The following CRB1 variants were observed in gnomAD, a reference collection of about 807,000 sequenced individuals.
CRB1 encodes crumbs cell polarity complex component 1, also known as protein crumbs homolog 1.
A neutral mutation model predicts 120.0 loss-of-function variants in CRB1; 83 were observed. That is an observed-to-expected ratio of 0.69 (90% CI 0.58 to 0.83). The LOEUF is 0.83. Among genes scored for constraint, CRB1 ranks in the 40% least tolerant of loss-of-function variants. The pLI is 0.00. For missense variants in CRB1, 1,699 were observed against 1,687.6 expected (o/e 1.01, Z -0.12); for synonymous variants, 625 against 612.5 (o/e 1.02, Z -0.30).
At chr1:197,229,740 G>A in the CRB1 span, among the ~76,000 whole-genome samples, 2 of 152,122 alleles carry the variant, frequency 1.3e-5, no homozygotes, top group Non-Finnish European at 2.9e-5. Context: ...AATTAGATTA[G>A]GATAATGGTC....
chr1:197,236,312 G>A, the CRB1 span, among the ~76,000 whole-genome samples: 10 of 147,230 alleles, frequency 6.8e-5, no homozygotes, highest in Non-Finnish European at 1.5e-4. Flanking sequence ...CGATTCTCCC[G>A]CCTCAGCCTC....
chr1:197,351,145 C>T (rs1418966864), intron 4 of CRB1, among the ~76,000 whole-genome samples: 5 of 142,680 alleles, frequency 3.5e-5, no homozygotes, highest in Non-Finnish European at 7.5e-5. Flanking sequence ...AGTTTGAGAC[C>T]AGCCTGGCCA....
intron 5 of CRB1, among the ~76,000 whole-genome samples, chr1:197,361,218 T>C (rs888501081): frequency 2.6e-5 from 4 of 151,830 alleles, no homozygotes; most frequent in African/African-American, 9.7e-5. Context: ...TTTTGTACTG[T>C]CTTTGTCTGG....
intron 1 of CRB1, among the ~76,000 whole-genome samples, chr1:197,299,323 TA>T (rs1351552378): frequency 6.6e-6 from 1 of 152,104 alleles, no homozygotes; most frequent in African/African-American, 2.4e-5. Flanking sequence ...TCTAGATTGG[TA>T]AAAATGATTA....
chr1:197,282,033 T>C (rs1234952140), intron 1 of CRB1, among the ~76,000 whole-genome samples: 1 of 151,364 alleles, frequency 6.6e-6, no homozygotes, highest in African/African-American at 2.4e-5. Context: ...TTAATTACAT[T>C]TTTATAAATA....
chr1:197,424,184 T>G (rs1436467363), intron 6 of CRB1, among the ~76,000 whole-genome samples: 1 of 152,184 alleles, frequency 6.6e-6, no homozygotes, highest in Non-Finnish European at 1.5e-5. Context: ...ACCTGCCAAA[T>G]GTAGTGGCTC....
upstream of CRB1, among the ~76,000 whole-genome samples, chr1:197,265,005 GTTATT>G (rs137869945): frequency 9.2e-3 from 1,402 of 152,166 alleles, 23 homozygotes; most frequent in African/African-American, 0.032. Context: ...TTAACAAAGT[GTTATT>G]TTATAATCTC....
intron 11 of CRB1, among the ~76,000 whole-genome samples, chr1:197,463,133 T>G (rs2125551023): frequency 6.6e-6 from 1 of 152,280 alleles, no homozygotes; most frequent in Middle Eastern, 3.4e-3. Context: ...TTGTTTTACT[T>G]CTTGATAGAC....
chr1:197,476,705 ATT>A (rs1667214122), intron 11 of CRB1, among the ~76,000 whole-genome samples: 1 of 152,174 alleles, frequency 6.6e-6, no homozygotes, highest in Non-Finnish European at 1.5e-5. Context: ...TTAAACACAG[ATT>A]TCATTTGTAA....
At chr1:197,271,739 TG>T (rs2125200051) in intron 1 of CRB1, among the ~76,000 whole-genome samples, 1 of 152,314 alleles carries the variant, frequency 6.6e-6, no homozygotes, top group East Asian at 1.9e-4. Context: ...TTTGGGACCT[TG>T]ATGTATGAAT....
the CRB1 span, among the ~76,000 whole-genome samples, chr1:197,259,510 A>G: frequency 6.6e-6 from 1 of 152,116 alleles, no homozygotes; most frequent in Admixed American, 6.6e-5. Flanking sequence ...GGGAAACAAC[A>G]TACACCAGTC....
the CRB1 span, among the ~76,000 whole-genome samples, chr1:197,235,997 A>G: frequency 6.6e-6 from 1 of 152,160 alleles, no homozygotes. Context: ...AGCCTGCTAC[A>G]TGTTATCCTT....
At chr1:197,392,019 T>C (rs1271996365) in intron 5 of CRB1, among the ~76,000 whole-genome samples, 2 of 151,876 alleles carry the variant, frequency 1.3e-5, no homozygotes, top group South Asian at 2.1e-4. Context: ...TATGAGAAAT[T>C]AGGAATGAGG....
chr1:197,301,354 C>T (rs778944757), intron 1 of CRB1, among the ~76,000 whole-genome samples: 88 of 151,910 alleles, frequency 5.8e-4, no homozygotes, highest in Non-Finnish European at 1.1e-3. Flanking sequence ...TTAGTAGAGA[C>T]GGGGTTTCAC....
rs539679947 is a variant in CRB1, at chr1:197,318,711, G to A, written c.71-9711G>A. On this transcript the variant is annotated intron_variant, in intron 1 of 11. Coordinates refer to ENST00000367400, the MANE Select transcript of CRB1 (RefSeq NM_201253.3). ...TCCAGGAACATGGATGAACCTGGAT[G>A]ACATTATGTTAAGTAAAATAAGTCA... Among the ~76,000 whole-genome samples the A allele has an allele frequency of 4.6e-5, 7 of 152,296 alleles. No homozygotes were observed. In the South Asian group the frequency reaches 1.0e-3, roughly 23 times the overall value.
At chr1:197,461,402 T>A (rs1033493193) in intron 11 of CRB1, among the ~76,000 whole-genome samples, 9 of 152,074 alleles carry the variant, frequency 5.9e-5, no homozygotes, top group African/African-American at 2.2e-4. Flanking sequence ...AATGCACACC[T>A]TTGTAAAGAG....
chr1:197,365,626 C>CTTCTTCTT (rs1247162027), intron 5 of CRB1, among the ~76,000 whole-genome samples: 15 of 121,890 alleles, frequency 1.2e-4, no homozygotes, highest in Admixed American at 1.6e-4. Flanking sequence ...TCTTCTTCTT[C>CTTCTTCTT]TTTTTTTTTT....
intron 5 of CRB1, among the ~76,000 whole-genome samples, chr1:197,410,574 TTA>T (rs1311742649): frequency 1.3e-5 from 2 of 152,240 alleles, no homozygotes; most frequent in African/African-American, 4.8e-5. Flanking sequence ...TTAATCCTTA[TTA>T]GTGGCCTTCT....
At chr1:197,380,322 ATTATAT>A (rs1661886471) in intron 5 of CRB1, among the ~76,000 whole-genome samples, 1 of 152,196 alleles carries the variant, frequency 6.6e-6, no homozygotes, top group South Asian at 2.1e-4. Flanking sequence ...AACACAATTC[ATTATAT>A]TTTGCCTGTC....
Sources: allele counts gnomAD v4.1 joint callset (sites outside exome capture counted in the v4.1 genomes callset), GRCh38; gene constraint gnomAD v4.1.1; transcripts MANE v1.5; gene names NCBI Gene and HGNC (gene_info 2026-07-23, HGNC 2026-07-21).